CEP63: variants seen among roughly 807,000 people sequenced by gnomAD.
The protein encoded by CEP63 is centrosomal protein 63.
A neutral mutation model predicts 89.1 loss-of-function variants in CEP63; 84 were observed. The observed-to-expected ratio is 0.94, with a 90% CI of 0.79 to 1.13. CEP63 has a LOEUF of 1.13. Among genes scored for constraint, CEP63 ranks in the 50% most tolerant of loss-of-function variants. The pLI, the probability that CEP63 is intolerant of heterozygous loss-of-function variation, is 0.00. For synonymous variants in CEP63, 267 were observed against 272.5 expected (o/e 0.98, Z 0.20); for missense variants, 838 against 813.3 (o/e 1.03, Z -0.37).
the CEP63 span, chr3:134,651,389 C>G: frequency 9.2e-7 from 1 of 1,090,506 alleles, no homozygotes; most frequent in East Asian, 8.0e-5. Flanking sequence ...GGGCTGGAGC[C>G]GACCTCCCAC....
At chr3:134,725,792 C>T in the CEP63 span, among the ~76,000 whole-genome samples, 1 of 152,170 alleles carries the variant, frequency 6.6e-6, no homozygotes, top group African/African-American at 2.4e-5. Flanking sequence ...AGCAGGCTTT[C>T]TGCTACCTGG....
chr3:134,687,496 T>C, the CEP63 span, among the ~76,000 whole-genome samples: 4 of 152,112 alleles, frequency 2.6e-5, no homozygotes, highest in East Asian at 3.9e-4. Context: ...GTTATCTCTG[T>C]TAAGAACAAA....
intron 3 of CEP63, among the ~76,000 whole-genome samples, chr3:134,517,518 C>T (rs1181864358): frequency 3.3e-5 from 5 of 152,124 alleles, no homozygotes; most frequent in Non-Finnish European, 7.3e-5. Context: ...TTTCAGAGTA[C>T]ACATTCTTAT....
At chr3:134,739,752 G>C in the CEP63 span, among the ~76,000 whole-genome samples, 1 of 150,330 alleles carries the variant, frequency 6.7e-6, no homozygotes, top group South Asian at 2.1e-4. Context: ...TGATTCATGA[G>C]AATGGTATAC....
chr3:134,715,279 C>T, the CEP63 span, among the ~76,000 whole-genome samples: 2 of 152,164 alleles, frequency 1.3e-5, no homozygotes, highest in Admixed American at 6.5e-5. Context: ...TGGGGTCAGC[C>T]AGAGGTTGAA....
chr3:134,678,432 T>C, the CEP63 span, among the ~76,000 whole-genome samples: 6 of 152,298 alleles, frequency 3.9e-5, no homozygotes, highest in Admixed American at 2.6e-4. Flanking sequence ...GCTTCACATC[T>C]ATGCTGTGTG....
rs1163546304 is a variant in CEP63 at position 134,561,768 on chromosome 3, C to CT, written c.*239dup. 3.0e-5 allele frequency: 40 copies of CT among 1,335,222 alleles called. No individual in the cohort carries two copies. The highest frequency in any genetic ancestry group is 3.6e-5 in the Non-Finnish European group (38 of 1,042,386). 82.7% of individuals were successfully genotyped at this position (1,335,222 alleles called of 1,614,324 possible). ...TGAAAGAATAAACCACTTTGCTAGA[C>CT]TTTTTTCTCATACGAATATTTATTA... is the stretch of plus-strand genomic sequence containing the variant. On this transcript the variant is annotated 3_prime_UTR_variant, in exon 15 of 15. Transcript: ENST00000675561.
At position 134,563,285 on chromosome 3, in the gene CEP63, C is replaced by G. The variant is rs537387119; in HGVS notation, c.*1750C>G. 6.6e-6 allele frequency: 1 copy of G among 152,288 alleles called. No homozygotes were observed. The highest frequency in any genetic ancestry group is 6.5e-5 in the Admixed American group (1 of 15,282). 9.4% of individuals were successfully genotyped at this position (152,288 alleles called of 1,614,324 possible). A position where few individuals can be genotyped will look rare whatever the true frequency, so the allele number is the denominator to read the frequency against. On this transcript the variant is annotated 3_prime_UTR_variant, in exon 15 of 15. Transcript: ENST00000675561. ...TTCTACCACCTGATCCAGACTACTT[C>G]TCTCTCACCCTGATTCTGGCAGTAG...
the CEP63 span, among the ~76,000 whole-genome samples, chr3:134,598,361 T>C: frequency 5.9e-5 from 9 of 152,196 alleles, no homozygotes; most frequent in African/African-American, 2.2e-4. Context: ...CGATTCCCTA[T>C]AAAAACCAGT....
At chr3:134,501,585 T>A (rs1942020722) in intron 2 of CEP63, among the ~76,000 whole-genome samples, 1 of 151,940 alleles carries the variant, frequency 6.6e-6, no homozygotes, top group African/African-American at 2.4e-5. Context: ...TTTTTATGTG[T>A]GGCTATTGTA....
At chr3:134,693,403 GC>G in the CEP63 span, among the ~76,000 whole-genome samples, 1 of 151,844 alleles carries the variant, frequency 6.6e-6, no homozygotes, top group Non-Finnish European at 1.5e-5. Flanking sequence ...TTGTGGAGCT[GC>G]CAAAAAAGTT....
chr3:134,486,039 A>C (rs1461144617), upstream of CEP63: 1 of 982,122 alleles, frequency 1.0e-6, no homozygotes, highest in Non-Finnish European at 1.2e-6. Context: ...CTTTCCTCGG[A>C]TTCCCGGATG....
chr3:134,604,065 A>G, the CEP63 span: 2 of 1,613,932 alleles, frequency 1.2e-6, no homozygotes, highest in Non-Finnish European at 1.7e-6. Context: ...TGATGGGGCC[A>G]TCATCCCCGT....
intron 3 of CEP63, among the ~76,000 whole-genome samples, chr3:134,515,822 A>G: frequency 6.6e-6 from 1 of 152,220 alleles, no homozygotes; most frequent in East Asian, 1.9e-4. Flanking sequence ...CTTAAAAAAA[A>G]AATCTTGTAA....
the CEP63 span, among the ~76,000 whole-genome samples, chr3:134,661,537 A>T: frequency 8.5e-6 from 1 of 117,538 alleles, no homozygotes; most frequent in Non-Finnish European, 1.9e-5. Flanking sequence ...AGATCCACTT[A>T]TGAAGATAAC....
chr3:134,532,388 T>C (rs558815251), intron 4 of CEP63, among the ~76,000 whole-genome samples: 1 of 152,224 alleles, frequency 6.6e-6, no homozygotes, highest in African/African-American at 2.4e-5. Flanking sequence ...TTTATTCTGA[T>C]TTAATTGCAA....
the CEP63 span, among the ~76,000 whole-genome samples, chr3:134,775,589 C>T: frequency 6.6e-6 from 1 of 152,044 alleles, no homozygotes; most frequent in Non-Finnish European, 1.5e-5. Flanking sequence ...ATAGGGGATC[C>T]CAGGGAGCCC....
At chr3:134,727,623 C>T in the CEP63 span, among the ~76,000 whole-genome samples, 1 of 152,128 alleles carries the variant, frequency 6.6e-6, no homozygotes, top group African/African-American at 2.4e-5. Flanking sequence ...TAAATAAACT[C>T]CTTGTTGTGA....
the CEP63 span, among the ~76,000 whole-genome samples, chr3:134,780,235 C>G: frequency 6.6e-6 from 1 of 152,110 alleles, no homozygotes; most frequent in African/African-American, 2.4e-5. Flanking sequence ...ATCTTTTGCC[C>G]CCTTTTTAAC....
Sources: gnomAD v4.1 joint callset for allele counts (sites outside exome capture counted in the v4.1 genomes callset) on GRCh38, gnomAD v4.1.1 for gene constraint, MANE v1.5 for transcripts, NCBI Gene and HGNC (gene_info 2026-07-23, HGNC 2026-07-21) for gene names.